The following USP6 variants were observed in gnomAD, a reference collection of about 807,000 sequenced individuals.
USP6 encodes the protein ubiquitin specific peptidase 6.
A neutral mutation model predicts 175.7 loss-of-function variants in USP6; 128 were observed. That is an observed-to-expected ratio of 0.73 (90% CI 0.63 to 0.84). The LOEUF is 0.84. USP6 is among the 40% of genes least tolerant of loss of function. The pLI, the probability that USP6 is intolerant of heterozygous loss-of-function variation, is 0.00. For missense variants in USP6, 1,498 were observed against 1,760.3 expected (o/e 0.85, Z 2.67); for synonymous variants, 562 against 630.6 (o/e 0.89, Z 1.63).
rs570560950 is a variant in USP6 at position 5,172,110 on chromosome 17, G to T, written c.4047+431G>T. Among the ~76,000 whole-genome samples the T allele has an allele frequency of 1.3e-4, 20 of 151,718 alleles. No individual in the cohort carries two copies. The South Asian group carries it at 4.2e-3, about 32-fold the overall frequency. On this transcript the variant is annotated intron_variant, in intron 37 of 37. Transcript: ENST00000574788. ...GAATGGCTTGAACCTGGGAGGTGAA[G>T]GTTGCAGTGAGCCAAGACTGCACCA...
At chr17:5,130,309 C>G in intron 9 of USP6, 58 bp from the exon 10 acceptor site, 1 of 1,570,278 alleles carries the variant, frequency 6.4e-7, no homozygotes, top group Admixed American at 1.7e-5. Flanking sequence ...GGGAGCGGTT[C>G]AGGTGTTCTC....
rs949852565 is a variant in USP6, at chr17:5,137,735, CT to C, written c.912del (p.Lys305ArgfsTer8). The C allele has an allele frequency of 1.9e-6, 3 of 1,608,602 alleles. No individual in the cohort carries two copies. The African/African-American group carries it at 4.0e-5, about 22-fold the overall frequency. ...QVLMPITSIALKVQQKRLMKT... is the reference protein window; with the variant it reads ...QVLMPITSIAXKVQQKRLMKT... ...GTTGATGCCAATAACCAGCATTGCTCTTAAGGTTCAGCAGAGTAAGTCTACG... is the reference window on the plus strand; with the variant it reads ...GTTGATGCCAATAACCAGCATTGCTCTAAGGTTCAGCAGAGTAAGTCTACG... On this transcript the variant is annotated frameshift_variant, in exon 20 of 38. Transcript: ENST00000574788. LOFTEE classifies it high-confidence loss of function.
intron 22 of USP6, among the ~76,000 whole-genome samples, chr17:5,140,598 G>A (rs2073417173): frequency 6.6e-6 from 1 of 152,142 alleles, no homozygotes; most frequent in African/African-American, 2.4e-5. Context: ...AAATGTAATG[G>A]GAGTACAATC....
chr17:5,121,450 A>G lies in USP6; in HGVS notation c.-1599A>G, dbSNP rs761165346. On this transcript the variant is annotated 5_prime_UTR_variant, in exon 4 of 38. Transcript: ENST00000574788. ...CGGCAGGATAGAGATATGGAGCTCT[A>G]CATCTCTGTGCAGAACCTGAGCCAT... is the stretch of plus-strand genomic sequence containing the variant. The G allele has an allele frequency of 2.4e-5, 7 of 293,728 alleles. No homozygotes were observed. The South Asian group carries it at 2.4e-4, about 10-fold the overall frequency. 18.2% of individuals were successfully genotyped at this position (293,728 alleles called of 1,614,324 possible). A position where few individuals can be genotyped will look rare whatever the true frequency, so the allele number is the denominator to read the frequency against.
At position 5,150,303 on chromosome 17, in the gene USP6, T is replaced by TAAAAAAAA. The variant is rs1387913996; in HGVS notation, c.2643+1539_2643+1540insAAAAAAAA. On this transcript the variant is annotated intron_variant, in intron 30 of 37. Transcript: ENST00000574788. ...GCGAAACTCCGTCTAAAAAAATAAA[T>TAAAAAAAA]AAATAAATAAATAAATAAATAAATA... Among the ~76,000 whole-genome samples the TAAAAAAAA allele has an allele frequency of 3.0e-5, 4 of 134,378 alleles. 1 individual carries two copies. In the South Asian group the frequency reaches 9.5e-4, roughly 32 times the overall value. The allele number at this position is 134,378 out of a possible 152,430, so 88.2% of individuals were successfully genotyped here. A position where few individuals can be genotyped will look rare whatever the true frequency, so the allele number is the denominator to read the frequency against.
rs186710197 is a variant in USP6 at position 5,141,471 on chromosome 17, A to T, written c.1545A>T (p.Ala515=). 4.7e-5 allele frequency: 76 copies of T among 1,608,304 alleles called. No homozygotes were observed. In the East Asian group the frequency reaches 1.7e-3, roughly 35 times the overall value. ...GGCCTGAGGAGATGTCTTTTACAGC[A>T]AATAGTAGTAAAATAGATAGACAAA... is the stretch of plus-strand genomic sequence containing the variant. The part of the protein sequence containing the change: ...MSWPEEMSFT[A]NSSKIDRQKV... Residue 515 remains alanine (A), a synonymous_variant, in exon 23 of 38, where the codon GCA becomes GCT. Transcript: ENST00000574788.
chr17:5,151,431 ATGTGTG>A (rs138448773), intron 30 of USP6, among the ~76,000 whole-genome samples: 1,767 of 146,614 alleles, frequency 0.012, 36 homozygotes, highest in African/African-American at 0.038. Flanking sequence ...CAAAGTCTGC[ATGTGTG>A]TGTGTGTGTG....
chr17:5,155,251 T>A (rs545536854), intron 30 of USP6, among the ~76,000 whole-genome samples, 171 bp from the exon 31 acceptor site: 1 of 152,328 alleles, frequency 6.6e-6, no homozygotes, highest in African/African-American at 2.4e-5. Flanking sequence ...ATGACTCCAC[T>A]GTAAACCGTT....
At chr17:5,142,654 G>T (rs535766016) in intron 25 of USP6, 152 bp downstream of exon 25, 2 of 1,317,730 alleles carry the variant, frequency 1.5e-6, no homozygotes, top group Admixed American at 5.9e-5. Context: ...TCTTTTGCTT[G>T]TTTAAATATT....
chr17:5,166,463 C>T (rs1251610594), intron 33 of USP6, among the ~76,000 whole-genome samples: 1 of 152,098 alleles, frequency 6.6e-6, no homozygotes, highest in Non-Finnish European at 1.5e-5. Context: ...GTATTCCAGG[C>T]AGCCTAAGGT....
At chr17:5,118,545 C>G (rs1388733890) in intron 2 of USP6, among the ~76,000 whole-genome samples, 1 of 152,254 alleles carries the variant, frequency 6.6e-6, no homozygotes, top group Non-Finnish European at 1.5e-5. Context: ...TATGTGTTAA[C>G]AGCTCAGCTG....
chr17:5,168,195 G>A (rs984316700), intron 34 of USP6, 72 bp downstream of exon 34: 2 of 1,474,666 alleles, frequency 1.4e-6, no homozygotes, highest in Non-Finnish European at 1.8e-6. Flanking sequence ...CAAACAGGAG[G>A]TTTTGTTATT....
chr17:5,172,130 G>A (rs915973044), intron 37 of USP6, among the ~76,000 whole-genome samples: 5 of 148,814 alleles, frequency 3.4e-5, no homozygotes, highest in Admixed American at 2.0e-4. Context: ...AGCCAAGACT[G>A]CACCACTGCA....
chr17:5,147,826 G>A (rs2073654101), intron 29 of USP6, among the ~76,000 whole-genome samples: 1 of 152,170 alleles, frequency 6.6e-6, no homozygotes, highest in Non-Finnish European at 1.5e-5. Context: ...GGACTGTTAA[G>A]AGCTCGAGAT....
chr17:5,130,755 A>G, intron 11 of USP6, 71 bp downstream of exon 11: 1 of 1,579,372 alleles, frequency 6.3e-7, no homozygotes, highest in Non-Finnish European at 8.7e-7. Flanking sequence ...TTGCTTTTAG[A>G]AAGGCCTTTC....
intron 31 of USP6, among the ~76,000 whole-genome samples, chr17:5,158,752 G>C (rs1231378572): frequency 6.6e-6 from 1 of 151,316 alleles, no homozygotes; most frequent in Non-Finnish European, 1.5e-5. Flanking sequence ...AGTGATAGTT[G>C]TTTCAAATGC....
chr17:5,170,808 G>A lies in USP6; in HGVS notation c.3847G>A (p.Asp1283Asn), dbSNP rs753228815. 25 of 1,613,550 alleles carry A rather than the reference G, an allele frequency of 1.5e-5. No homozygotes were observed. The highest frequency in any genetic ancestry group is 6.7e-5 in the East Asian group (3 of 44,906). Reference sequence around the variant, plus strand: ...TGAAGCATGTGGCAATGGCTGTGGCGATGGCTACAGCAATGGTCAGCTTGG... The same window carrying A: ...TGAAGCATGTGGCAATGGCTGTGGCAATGGCTACAGCAATGGTCAGCTTGG... ...EHEACGNGCG[D>N]GYSNGQLGNH... The change falls in exon 36 of 38, where the codon GAT becomes AAT. Residue 1283 changes from aspartate to asparagine, a missense_variant. Physicochemically the swap from Asp to Asn is conservative, Grantham distance 23. Coordinates refer to ENST00000574788, the MANE Select transcript of USP6 (RefSeq NM_001304284.2).
At chr17:5,161,735 G>T in intron 32 of USP6, 121 bp downstream of exon 32, 1 of 1,167,522 alleles carries the variant, frequency 8.6e-7, no homozygotes, top group Non-Finnish European at 1.2e-6. Context: ...AAGAACTGTG[G>T]CTGGGCACCA....
Position 5,170,686 on chromosome 17 carries a change from C to T in USP6, c.3725C>T (p.Ala1242Val), listed in dbSNP as rs1429858347. The change falls in exon 36 of 38, where the codon GCC becomes GTC. Residue 1242 changes from alanine to valine, a missense_variant. Around this residue, in one of 2 missense-constraint regions of USP6, gnomAD observed 1,217 missense variants for 1,500.8 expected, o/e 0.81. Coordinates refer to ENST00000574788, the MANE Select transcript of USP6 (RefSeq NM_001304284.2). ...GAGQICELAD[A>V]LSRGHMRGGS... Reference sequence around the variant, plus strand: ...GGGCAGATCTGTGAGCTGGCTGACGCCTTGAGCCGAGGGCATATGCGGGGG... The same window carrying T: ...GGGCAGATCTGTGAGCTGGCTGACGTCTTGAGCCGAGGGCATATGCGGGGG... The T allele has an allele frequency of 3.1e-6, 5 of 1,613,944 alleles. No individual in the cohort carries two copies. Among genetic ancestry groups the T allele is most frequent in the East Asian group, 2.2e-5 (1 of 44,886 alleles).
Sources: allele counts gnomAD v4.1 joint callset (sites outside exome capture counted in the v4.1 genomes callset), GRCh38; gene constraint gnomAD v4.1.1; regional missense constraint gnomAD v4.1.1; transcripts MANE v1.5; gene names NCBI Gene and HGNC (gene_info 2026-07-23, HGNC 2026-07-21).